Variants in CEP250 observed in about 807,000 individuals in gnomAD.
CEP250 encodes the protein centrosomal protein 250.
CEP250 carries 242 observed loss-of-function variants against 315.7 expected under a neutral mutation model. The observed-to-expected ratio is 0.77, with a 90% confidence interval of 0.69 to 0.85. The LOEUF (loss-of-function observed/expected upper bound fraction) is 0.85, where lower values mean the gene tolerates loss of function less well. Among genes scored for constraint, CEP250 ranks in the 40% least tolerant of loss-of-function variants. The pLI is 0.00. For synonymous variants in CEP250, 1,088 were observed against 1,175.0 expected, an observed-to-expected ratio of 0.93 and a Z score of 1.51; for missense variants, 2,515 against 2,886.4, an observed-to-expected ratio of 0.87 and a Z score of 2.95.
chr20:35,473,247 A>G, intron 12 of CEP250, 127 bp from the exon 13 acceptor site: 1 of 702,986 alleles, frequency 1.4e-6, no homozygotes, highest in South Asian at 2.1e-5. Context: ...GAATAGTTGC[A>G]TCTCCCTTCT....
chr20:35,487,469 CAAAG>C (rs1426907296), intron 20 of CEP250, among the ~76,000 whole-genome samples: 4 of 151,264 alleles, frequency 2.6e-5, no homozygotes, highest in Non-Finnish European at 5.9e-5. Context: ...GACTCTGTCT[CAAAG>C]AAAAAAAAGA....
rs769140063 is a variant in CEP250 at position 35,490,629 on chromosome 20, G to A, written c.2587-8G>A. 1 of 1,609,756 alleles carries A rather than the reference G, an allele frequency of 6.2e-7. No homozygotes were observed. The highest frequency in any genetic ancestry group is 1.7e-5 in the Admixed American group (1 of 58,874). On this transcript the variant is annotated splice_polypyrimidine_tract_variant and splice_region_variant and intron_variant, in intron 20 of 34. Coordinates refer to ENST00000397527, the MANE Select transcript of CEP250 (RefSeq NM_007186.6). ...TTGGTTCTAATGGTGTTTCCTTCATGTGGCCAGGAGAAGGAGCGCTCCTGG... is the reference window on the plus strand; with the variant it reads ...TTGGTTCTAATGGTGTTTCCTTCATATGGCCAGGAGAAGGAGCGCTCCTGG...
At position 35,504,988 on chromosome 20, in the gene CEP250, G is replaced by C. The variant is rs745370862; in HGVS notation, c.6619G>C (p.Glu2207Gln). ...AGCCTCTGTCCTGGAGCGGGACTCA[G>C]AACAGCAAAGGCTGCAGGTAAGTCA... ...LQASVLERDS[E>Q]QQRLQDELEL... The change falls in exon 30 of 35, where the codon GAA becomes CAA. Residue 2207 changes from glutamate (E) to glutamine (Q), a missense_variant. Coordinates refer to ENST00000397527, the MANE Select transcript of CEP250 (RefSeq NM_007186.6). The C allele has an allele frequency of 2.5e-6, 4 of 1,607,396 alleles. No homozygotes were observed. Among genetic ancestry groups the C allele is most frequent in the East Asian group, 4.5e-5 (2 of 44,746 alleles).
In CEP250 at chr20:35,476,596, G is replaced by A; in HGVS notation, c.1863+1G>A. On this transcript the variant is annotated splice_donor_variant, in intron 16 of 34. Transcript: ENST00000397527. LOFTEE classifies it high-confidence loss of function. Reference sequence around the variant, plus strand: ...TGGGCTGAACCAGCAGCTTCTCCAGGTGAGCAAAGATTTTCCTGGTCCCCA... The same window carrying A: ...TGGGCTGAACCAGCAGCTTCTCCAGATGAGCAAAGATTTTCCTGGTCCCCA... The A allele has an allele frequency of 2.5e-6, 4 of 1,610,572 alleles. No homozygotes were observed. Among genetic ancestry groups the A allele is most frequent in the South Asian group, 1.1e-5 (1 of 91,042 alleles).
Position 35,467,388 on chromosome 20 carries a change from G to GT in CEP250, c.685dup (p.Ser229PhefsTer34). 6.2e-7 allele frequency: 1 copy of GT among 1,614,226 alleles called. No individual in the cohort carries two copies. On this transcript the variant is annotated frameshift_variant, in exon 9 of 35. Transcript: ENST00000397527. LOFTEE classifies it high-confidence loss of function. The stretch of plus-strand genomic sequence containing the variant: ...GTCTGCGCTTGACTGTGGGAGCACA[G>GT]TCTCGGGAACCCAACGGATCTGGAA...
chr20:35,488,681 C>T (rs1171344806), intron 20 of CEP250, among the ~76,000 whole-genome samples: 1 of 152,054 alleles, frequency 6.6e-6, no homozygotes, highest in Non-Finnish European at 1.5e-5. Flanking sequence ...CTAGGCTGGT[C>T]TCAAACTCTT....
At chr20:35,468,487 A>C (rs553385454) in intron 9 of CEP250, among the ~76,000 whole-genome samples, 20 of 152,174 alleles carry the variant, frequency 1.3e-4, no homozygotes, top group Non-Finnish European at 2.6e-4. Flanking sequence ...TCTCAGGACA[A>C]AGTTCATATA....
chr20:35,471,772 A>G (rs2063029136), intron 10 of CEP250, among the ~76,000 whole-genome samples: 1 of 152,254 alleles, frequency 6.6e-6, no homozygotes, highest in African/African-American at 2.4e-5. Flanking sequence ...TTTCTATTTT[A>G]AAGAAAAAGA....
chr20:35,479,764 G>A lies in CEP250; in HGVS notation c.2407G>A (p.Val803Ile). 1 of 1,614,200 alleles carries A rather than the reference G, an allele frequency of 6.2e-7. No individual in the cohort carries two copies. Among genetic ancestry groups the A allele is most frequent in the Non-Finnish European group, 8.5e-7 (1 of 1,180,036 alleles). The change falls in exon 19 of 35, where the codon GTA becomes ATA. Residue 803 changes from valine (V) to isoleucine (I), a missense_variant. Val to Ile is a conservative substitution (Grantham distance 29). Transcript: ENST00000397527. ...TCAAACTGTCACTCAAGCCAAGGAA[G>A]TAATCCAAGGTGAGAACCCAACTGG... ...QIQTVTQAKEVIQGEVRCLKL... is the reference protein window; with the variant it reads ...QIQTVTQAKEIIQGEVRCLKL...
At position 35,504,755 on chromosome 20, in the gene CEP250, A is replaced by G. The variant is rs61729984; in HGVS notation, c.6386A>G (p.His2129Arg). The change falls in exon 30 of 35, where the codon CAC (histidine) becomes CGC (arginine). Residue 2129 changes from histidine (H) to arginine (R), a missense_variant. Physicochemically the swap from His to Arg is conservative, Grantham distance 29 (BLOSUM62 0). Transcript: ENST00000397527. ...AACCTGGAAGCCTTACCCCACAGCC[A>G]CAAAACCTCCCCAATGGAGGAACAA... ...RNNLEALPHS[H>R]KTSPMEEQSL... 2.0e-3 allele frequency: 3,214 copies of G among 1,614,224 alleles called. 10 individuals are homozygous for G. Among genetic ancestry groups the G allele is most frequent in the Middle Eastern group, 2.3e-3 (14 of 6,062 alleles).
intron 1 of CEP250, among the ~76,000 whole-genome samples, chr20:35,457,571 C>G (rs224349): frequency 0.63 from 95,934 of 151,646 alleles, 32,578 homozygotes; most frequent in Non-Finnish European, 0.76. Context: ...CTGTGTTGCC[C>G]AGGCTGGTCT....
intron 32 of CEP250, 146 bp downstream of exon 32, chr20:35,508,336 CAG>C (rs2064255291): frequency 2.3e-6 from 2 of 867,306 alleles, no homozygotes; most frequent in Admixed American, 5.3e-5. Context: ...TTTCCCGAGA[CAG>C]AGTCTTGCTC....
chr20:35,504,495 G>A lies in CEP250; in HGVS notation c.6126G>A (p.Gln2042=), dbSNP rs750097736. Residue 2042 remains glutamine (Q), a synonymous_variant, in exon 30 of 35, where the codon CAG becomes CAA. Coordinates refer to ENST00000397527, the MANE Select transcript of CEP250 (RefSeq NM_007186.6). ...AGGAGGATGTGCAGCAGCTGCAGCA[G>A]GCACTTGCCCAGAGGGATGAAGAGC... ...RYQEDVQQLQ[Q]ALAQRDEELR... The A allele has an allele frequency of 1.2e-6, 2 of 1,613,848 alleles. No homozygotes were observed. The highest frequency in any genetic ancestry group is 1.1e-5 in the South Asian group (1 of 91,016).
chr20:35,471,066 A>T (rs1259181533), intron 10 of CEP250, among the ~76,000 whole-genome samples: 3 of 152,224 alleles, frequency 2.0e-5, no homozygotes, highest in African/African-American at 7.2e-5. Context: ...TAGTCTTCTC[A>T]TCCAAGCTGA....
At chr20:35,465,553 C>T (rs2062855561) in intron 5 of CEP250, among the ~76,000 whole-genome samples, 190 bp from the exon 6 acceptor site, 1 of 152,096 alleles carries the variant, frequency 6.6e-6, no homozygotes. Flanking sequence ...CTACTGAAGG[C>T]CGTCTTTCAG....
intron 4 of CEP250, among the ~76,000 whole-genome samples, chr20:35,463,062 ATT>A (rs2062792817): frequency 2.6e-5 from 4 of 152,168 alleles, no homozygotes; most frequent in Non-Finnish European, 4.4e-5. Context: ...TTATTTATTT[ATT>A]TATTTTTGAG....
rs369255727 is a variant in CEP250 at position 35,511,531 on chromosome 20, C to G, written c.7234C>G (p.Arg2412Gly). 2 of 1,613,992 alleles carry G rather than the reference C, an allele frequency of 1.2e-6. No individual in the cohort carries two copies. The highest frequency in any genetic ancestry group is 2.2e-5 in the South Asian group (2 of 91,078). The change falls in exon 35 of 35, where the codon CGC becomes GGC. Residue 2412 changes from arginine to glycine, a missense_variant. By Grantham distance (125) the Arg-to-Gly change is moderately radical. Transcript: ENST00000397527. Reference protein sequence around the residue: ...PEATVLEAETRRLDESLTQSL... With the variant: ...PEATVLEAETGRLDESLTQSL... ...GGCCACTGTCCTGGAGGCAGAGACC[C>G]GCAGGCTGGATGAGTCCCTGACTCA...
intron 20 of CEP250, among the ~76,000 whole-genome samples, chr20:35,484,909 A>G (rs1208459795): frequency 3.3e-5 from 5 of 152,200 alleles, no homozygotes; most frequent in African/African-American, 1.2e-4. Context: ...AATTTCATAT[A>G]ATTTTCGCAT....
At chr20:35,466,856 C>G (rs925072742) in intron 7 of CEP250, 110 bp from the exon 8 acceptor site, 4 of 695,780 alleles carry the variant, frequency 5.7e-6, no homozygotes, top group African/African-American at 1.8e-5. Context: ...AAACTATCTC[C>G]TGTAAGTCCC....
Sources: allele counts gnomAD v4.1 joint callset (sites outside exome capture counted in the v4.1 genomes callset), GRCh38; gene constraint gnomAD v4.1.1; transcripts MANE v1.5; gene names NCBI Gene and HGNC (gene_info 2026-07-23, HGNC 2026-07-21).